ANKRD11: variants seen among roughly 807,000 people sequenced by gnomAD.
ANKRD11 encodes the protein ankyrin repeat domain 11.
Under a neutral mutation model 195.7 loss-of-function variants are expected in ANKRD11, and 17 were observed. The ratio of observed to expected loss-of-function variants is 0.09; its 90% CI spans 0.06 to 0.13. The LOEUF (loss-of-function observed/expected upper bound fraction) is 0.13. Ranked by LOEUF, ANKRD11 falls within the 10% of genes least tolerant of loss-of-function variation. ANKRD11 has a pLI of 1.00. For synonymous variants in ANKRD11, 1,953 were observed against 1,528.1 expected, an observed-to-expected ratio of 1.28 and a Z score of -6.49; for missense variants, 3,735 against 3,566.1, an observed-to-expected ratio of 1.05 and a Z score of -1.21.
chr16:89,483,662 C>G (rs925024501), intron 1 of ANKRD11, among the ~76,000 whole-genome samples: 7 of 152,044 alleles, frequency 4.6e-5, no homozygotes, highest in Non-Finnish European at 7.4e-5. Flanking sequence ...AACCCCGTCT[C>G]TACGAAAAAT....
chr16:89,443,971 T>C (rs2043657999), intron 1 of ANKRD11, among the ~76,000 whole-genome samples: 1 of 152,176 alleles, frequency 6.6e-6, no homozygotes, highest in South Asian at 2.1e-4. Flanking sequence ...CAAAGCGGCC[T>C]GTCAGGCTGA....
intron 1 of ANKRD11, among the ~76,000 whole-genome samples, chr16:89,430,504 G>C (rs2042931576): frequency 6.6e-6 from 1 of 151,700 alleles, no homozygotes; most frequent in Middle Eastern, 3.4e-3. Context: ...AGTCGTTCTA[G>C]TACACAGCAG....
chr16:89,395,468 C>A (rs2041385607), intron 2 of ANKRD11, among the ~76,000 whole-genome samples: 1 of 152,248 alleles, frequency 6.6e-6, no homozygotes, highest in South Asian at 2.1e-4. Flanking sequence ...GGGACACGTG[C>A]TGCTTCTGTG....
At position 89,410,973 on chromosome 16, in the gene ANKRD11, G is replaced by A. The variant is rs1035061388; in HGVS notation, c.-60+7311C>T. Among the ~76,000 whole-genome samples, 10 of 152,164 alleles carry A rather than the reference G, an allele frequency of 6.6e-5. No individual in the cohort carries two copies. In the East Asian group the frequency reaches 1.2e-3, roughly 18 times the overall value. Reference sequence around the variant, plus strand: ...CAAAGTCAACATGTTCAGGCTGCCCGGCCTCCACAGGCGCTTTCCTGAAAG... The same window carrying A: ...CAAAGTCAACATGTTCAGGCTGCCCAGCCTCCACAGGCGCTTTCCTGAAAG... On this transcript the variant is annotated intron_variant, in intron 2 of 12. Coordinates refer to ENST00000301030, the MANE Select transcript of ANKRD11 (RefSeq NM_013275.6).
At chr16:89,288,966 A>G in intron 6 of ANKRD11, 1 of 518,706 alleles carries the variant, frequency 1.9e-6, no homozygotes, top group South Asian at 2.0e-5. Context: ...GTGAACACAC[A>G]GTGTAGTAAA....
intron 2 of ANKRD11, among the ~76,000 whole-genome samples, chr16:89,337,171 G>GT (rs2038405838): frequency 6.6e-6 from 1 of 152,012 alleles, no homozygotes; most frequent in African/African-American, 2.4e-5. Context: ...GGGCAACAGA[G>GT]TGAGACCCTG....
chr16:89,405,441 G>A (rs565674549), intron 2 of ANKRD11, among the ~76,000 whole-genome samples: 28 of 151,580 alleles, frequency 1.8e-4, no homozygotes, highest in African/African-American at 2.7e-4. Flanking sequence ...CTCCCACCTC[G>A]GCTTCCCCAA....
In ANKRD11 at chr16:89,388,293, ATTT is replaced by A. The variant is rs71134215; in HGVS notation, c.-60+29988_-60+29990del. Among the ~76,000 whole-genome samples, 101 of 85,300 alleles carry A rather than the reference ATTT, an allele frequency of 1.2e-3. 3 individuals are homozygous for A. The highest frequency in any genetic ancestry group is 3.6e-3 in the African/African-American group (84 of 23,362). 56.0% of individuals were successfully genotyped at this position (85,300 alleles called of 152,430 possible). A position where few individuals can be genotyped will look rare whatever the true frequency, so the allele number is the denominator to read the frequency against. ...GTGCTCTCTTCTCTCCATGAGGCTGATTTTTTTTTTTTTTTTTTTTTTGAGACG... is the reference window on the plus strand; with the variant it reads ...GTGCTCTCTTCTCTCCATGAGGCTGATTTTTTTTTTTTTTTTTTTGAGACG... On this transcript the variant is annotated intron_variant, in intron 2 of 12. Coordinates refer to ENST00000301030, the MANE Select transcript of ANKRD11 (RefSeq NM_013275.6).
intron 2 of ANKRD11, among the ~76,000 whole-genome samples, chr16:89,400,878 C>T (rs185583294): frequency 6.7e-4 from 102 of 152,262 alleles, no homozygotes; most frequent in African/African-American, 2.2e-3. Flanking sequence ...GCTGCACACA[C>T]CTTGGACGCC....
chr16:89,350,566 C>T (rs977527229), intron 2 of ANKRD11, among the ~76,000 whole-genome samples: 9 of 152,138 alleles, frequency 5.9e-5, no homozygotes, highest in Non-Finnish European at 1.2e-4. Context: ...CTCAATGATT[C>T]CATTCATATT....
At chr16:89,419,450 T>C (rs1028528086) in intron 1 of ANKRD11, among the ~76,000 whole-genome samples, 1 of 149,378 alleles carries the variant, frequency 6.7e-6, no homozygotes, top group Non-Finnish European at 1.5e-5. Context: ...GAAACTCGTC[T>C]TAAAAAAAAA....
At chr16:89,276,168 G>A (rs573234102) in intron 9 of ANKRD11, among the ~76,000 whole-genome samples, 1 of 152,190 alleles carries the variant, frequency 6.6e-6, no homozygotes, top group Non-Finnish European at 1.5e-5. Context: ...AAGAGCTCCT[G>A]ACAGCCAAGG....
chr16:89,487,464 G>A (rs991646523), intron 1 of ANKRD11, among the ~76,000 whole-genome samples: 9 of 152,156 alleles, frequency 5.9e-5, no homozygotes, highest in African/African-American at 2.2e-4. Flanking sequence ...ACCTTTCTAT[G>A]TCAAATCTAC....
At chr16:89,466,413 G>C (rs2056886878) in intron 1 of ANKRD11, among the ~76,000 whole-genome samples, 1 of 152,152 alleles carries the variant, frequency 6.6e-6, no homozygotes, top group Non-Finnish European at 1.5e-5. Context: ...ATGTGACAGT[G>C]GTGATGGGTG....
At chr16:89,484,155 ATC>A (rs1299543249) in intron 1 of ANKRD11, among the ~76,000 whole-genome samples, 3 of 152,204 alleles carry the variant, frequency 2.0e-5, no homozygotes, top group Admixed American at 1.3e-4. Context: ...TCAGCCAGAC[ATC>A]TTAGTCAAAA....
chr16:89,405,826 G>A (rs560718616), intron 2 of ANKRD11, among the ~76,000 whole-genome samples: 1 of 152,214 alleles, frequency 6.6e-6, no homozygotes, highest in East Asian at 1.9e-4. Context: ...ATGCACTGCA[G>A]TCAATCCCAA....
In ANKRD11 at chr16:89,280,130, G is replaced by T; in HGVS notation, c.6412C>A (p.Leu2138Met). 1 of 1,612,226 alleles carries T rather than the reference G, an allele frequency of 6.2e-7. No individual in the cohort carries two copies. Among genetic ancestry groups the T allele is most frequent in the Non-Finnish European group, 8.5e-7 (1 of 1,179,566 alleles). Residue 2138 changes from leucine to methionine, a missense_variant, in exon 9 of 13, where the codon CTG becomes ATG. Transcript: ENST00000301030. ...TTAGTCTGCAGGGGAAGCTCCGGCA[G>T]GGAGAAGGGCCCCAGGTCCAGGTCG... ...EDDLDLGPFS[L>M]PELPLQTKDA...
At position 89,278,051 on chromosome 16, in the gene ANKRD11, TAACAC is replaced by T. The variant is rs572127954; in HGVS notation, c.7470+1016_7470+1020del. 7.0e-4 allele frequency: 121 copies of T among 173,992 alleles called. 2 individuals are homozygous for T. The Middle Eastern group carries it at 8.4e-3, about 12-fold the overall frequency. 10.8% of individuals were successfully genotyped at this position (173,992 alleles called of 1,614,324 possible). On this transcript the variant is annotated intron_variant, in intron 9 of 12. Transcript: ENST00000301030. ...GGTGACGGCAAGCCTGTTCTGGGCA[TAACAC>T]AACACACTCAAGCGAGACGGCTGCA... is the stretch of plus-strand genomic sequence containing the variant.
chr16:89,438,800 G>A (rs2043324522), intron 1 of ANKRD11, among the ~76,000 whole-genome samples: 1 of 152,102 alleles, frequency 6.6e-6, no homozygotes, highest in Admixed American at 6.6e-5. Flanking sequence ...GATCCCAGAA[G>A]TTCAAGGCCA....
Sources: allele counts gnomAD v4.1 joint callset (sites outside exome capture counted in the v4.1 genomes callset), GRCh38; gene constraint gnomAD v4.1.1; transcripts MANE v1.5; gene names NCBI Gene and HGNC (gene_info 2026-07-23, HGNC 2026-07-21).